Variants in IQCE observed in about 807,000 individuals in gnomAD.
IQCE encodes IQ motif containing E, also known as IQ domain-containing protein E.
IQCE carries 115 observed loss-of-function variants against 96.0 expected under a neutral mutation model. The ratio of observed to expected loss-of-function variants is 1.20; its 90% CI spans 1.03 to 1.40. IQCE has a LOEUF of 1.40. Ranked by LOEUF, IQCE falls within the 40% of genes most tolerant of loss-of-function variation. The pLI is 0.00. For missense variants in IQCE, 1,041 were observed against 909.1 expected (o/e 1.15, Z -1.87); for synonymous variants, 412 against 371.2 (o/e 1.11, Z -1.26).
chr7:2,577,240 G>C (rs1419034505), intron 6 of IQCE, among the ~76,000 whole-genome samples: 1 of 152,206 alleles, frequency 6.6e-6, no homozygotes, highest in Non-Finnish European at 1.5e-5. Context: ...GCAGTGGTGT[G>C]TGCATGGCTG....
chr7:2,603,989 CTT>C (rs11427354), intron 18 of IQCE, among the ~76,000 whole-genome samples: 3,531 of 125,898 alleles, frequency 0.028, 131 homozygotes, highest in African/African-American at 0.094. Flanking sequence ...GCTTCCCTGT[CTT>C]TTTTTTTTTT....
chr7:2,585,351 T>C (rs964771694), intron 11 of IQCE, among the ~76,000 whole-genome samples: 1 of 152,222 alleles, frequency 6.6e-6, no homozygotes, highest in Admixed American at 6.5e-5. Context: ...TCACAGCATT[T>C]TCATCAGCTA....
rs757371119 is a variant in IQCE at position 2,604,989 on chromosome 7, C to G, written c.1741C>G (p.Gln581Glu). The G allele has an allele frequency of 1.2e-6, 2 of 1,607,982 alleles. No individual in the cohort carries two copies. The highest frequency in any genetic ancestry group is 4.5e-5 in the East Asian group (2 of 44,826). ...ACCCAGCGTGCCAGGCCTCCCAGAC[C>G]AGGTAATGTCGGGGTGCTGGACGTC... is the stretch of plus-strand genomic sequence containing the variant. ...EPPSVPGLPDQSSPVPRVPSP... is the reference protein window; with the variant it reads ...EPPSVPGLPDESSPVPRVPSP... The change falls in exon 19 of 22, where the codon CAG (glutamine) becomes GAG (glutamate). Residue 581 changes from glutamine (Q) to glutamate (E), a missense_variant and splice_region_variant. Physicochemically the swap from Gln to Glu is conservative, Grantham distance 29. Coordinates refer to ENST00000402050, the MANE Select transcript of IQCE (RefSeq NM_152558.5).
intron 7 of IQCE, 30 bp from the exon 8 acceptor site, chr7:2,578,446 C>T (rs758727290): frequency 3.1e-6 from 5 of 1,613,880 alleles, no homozygotes; most frequent in Non-Finnish European, 4.2e-6. Flanking sequence ...CACCGAAGGC[C>T]GTCTTCATGT....
intron 1 of IQCE, among the ~76,000 whole-genome samples, chr7:2,559,774 G>GTT (rs1780791252): frequency 7.5e-6 from 1 of 132,790 alleles, no homozygotes; most frequent in Non-Finnish European, 1.7e-5. Context: ...GTGGGGGGGG[G>GTT]GGGGGGGGCG....
intron 5 of IQCE, chr7:2,572,956 C>G (rs779425427): frequency 2.4e-5 from 8 of 333,178 alleles, no homozygotes; most frequent in South Asian, 1.7e-4. Flanking sequence ...CCTGCTTTTA[C>G]TGGTTGGGAG....
At chr7:2,560,945 G>A (rs1780904143) in intron 1 of IQCE, among the ~76,000 whole-genome samples, 1 of 126,648 alleles carries the variant, frequency 7.9e-6, no homozygotes, top group Non-Finnish European at 1.6e-5. Flanking sequence ...AGCAGAGTGA[G>A]ACTCTGTCTC....
intron 15 of IQCE, among the ~76,000 whole-genome samples, chr7:2,593,984 G>A (rs972942887): frequency 3.3e-5 from 5 of 152,164 alleles, no homozygotes; most frequent in African/African-American, 7.2e-5. Flanking sequence ...AACTGTGGCC[G>A]GGCACAGTGG....
intron 16 of IQCE, among the ~76,000 whole-genome samples, chr7:2,597,623 C>G (rs907982114): frequency 2.0e-5 from 3 of 152,184 alleles, no homozygotes; most frequent in Non-Finnish European, 4.4e-5. Context: ...TGGGTAGTGT[C>G]CTATGGATGA....
chr7:2,573,378 T>G (rs1437870285), intron 5 of IQCE, 40 bp from the exon 6 acceptor site: 2 of 933,952 alleles, frequency 2.1e-6, no homozygotes, highest in African/African-American at 3.3e-5. Context: ...CTTTCTACTT[T>G]GTAGATAGTC....
At chr7:2,591,385 C>T (rs1783573684) in intron 14 of IQCE, among the ~76,000 whole-genome samples, 1 of 152,170 alleles carries the variant, frequency 6.6e-6, no homozygotes, top group Non-Finnish European at 1.5e-5. Flanking sequence ...TGGCTCCTGT[C>T]CTCCTCCTGT....
At chr7:2,602,224 G>C (rs185229761) in intron 18 of IQCE, among the ~76,000 whole-genome samples, 137 of 152,348 alleles carry the variant, frequency 9.0e-4, no homozygotes, top group Admixed American at 1.8e-3. Context: ...CATCCCAGCA[G>C]AGCCGGTGGG....
At chr7:2,568,344 A>T (rs773873980) in intron 2 of IQCE, among the ~76,000 whole-genome samples, 2 of 152,246 alleles carry the variant, frequency 1.3e-5, no homozygotes, top group Non-Finnish European at 2.9e-5. Flanking sequence ...ATACCTCATT[A>T]TATGGATGCA....
At chr7:2,576,385 G>A (rs967020184) in intron 6 of IQCE, among the ~76,000 whole-genome samples, 2 of 152,130 alleles carry the variant, frequency 1.3e-5, no homozygotes, top group African/African-American at 4.8e-5. Flanking sequence ...AATAAACTTA[G>A]TTTTGTGAGA....
chr7:2,597,183 T>G (rs1338688030), intron 16 of IQCE: 1 of 464,008 alleles, frequency 2.2e-6, no homozygotes, highest in Admixed American at 2.4e-5. Context: ...TTGAAGAATT[T>G]CAGCAGGATC....
chr7:2,584,465 C>G, intron 11 of IQCE, 180 bp downstream of exon 11: 1 of 677,540 alleles, frequency 1.5e-6, no homozygotes, highest in East Asian at 2.6e-5. Context: ...GCAGTGTTCA[C>G]AGACTCCTCA....
rs747426711 is a variant in IQCE, at chr7:2,598,650, G to A, written c.1608+18G>A. On this transcript the variant is annotated intron_variant, in intron 17 of 21. Coordinates refer to ENST00000402050, the MANE Select transcript of IQCE (RefSeq NM_152558.5). ...AGCACAAGGTGAGGCTCCCCGGGGC[G>A]ACCCGGGCTGCTCCCTGTGAGTCTT... 9 of 1,498,232 alleles carry A rather than the reference G, an allele frequency of 6.0e-6. No homozygotes were observed. Among genetic ancestry groups the A allele is most frequent in the Non-Finnish European group, 7.1e-6 (8 of 1,122,624 alleles). The allele number at this position is 1,498,232 out of a possible 1,614,324, so 92.8% of individuals were successfully genotyped here. A position where few individuals can be genotyped will look rare whatever the true frequency, so the allele number is the denominator to read the frequency against.
Position 2,605,867 on chromosome 7 carries a change from G to A in IQCE, c.1744-9G>A. Reference sequence around the variant, plus strand: ...AACAGTCGTCTTCCCTGCTGTCCTTGCACCCCAGAGCTCTCCTGTGCCCCG... The same window carrying A: ...AACAGTCGTCTTCCCTGCTGTCCTTACACCCCAGAGCTCTCCTGTGCCCCG... On this transcript the variant is annotated splice_polypyrimidine_tract_variant and intron_variant, in intron 19 of 21. Coordinates refer to ENST00000402050, the MANE Select transcript of IQCE (RefSeq NM_152558.5). 1.3e-6 allele frequency: 2 copies of A among 1,574,562 alleles called. No individual in the cohort carries two copies. The highest frequency in any genetic ancestry group is 1.7e-6 in the Non-Finnish European group (2 of 1,160,870).
chr7:2,587,344 G>A (rs1783201777), intron 12 of IQCE, among the ~76,000 whole-genome samples: 1 of 151,754 alleles, frequency 6.6e-6, no homozygotes, highest in Non-Finnish European at 1.5e-5. Flanking sequence ...GCACTTAGGT[G>A]GATCGAGTGA....
Sources: gnomAD v4.1 joint callset for allele counts (sites outside exome capture counted in the v4.1 genomes callset) on GRCh38, gnomAD v4.1.1 for gene constraint, MANE v1.5 for transcripts, NCBI Gene and HGNC (gene_info 2026-07-23, HGNC 2026-07-21) for gene names.